Variants in PRKN observed in about 807,000 individuals in gnomAD.
PRKN encodes parkin RBR E3 ubiquitin protein ligase.
A neutral mutation model predicts 59.5 loss-of-function variants in PRKN; 56 were observed. The ratio of observed to expected loss-of-function variants is 0.94; its 90% CI spans 0.76 to 1.18. PRKN has a LOEUF of 1.18. Among genes scored for constraint, PRKN ranks in the 50% most tolerant of loss-of-function variants. PRKN has a pLI of 0.00. For missense variants in PRKN, 657 were observed against 596.4 expected, an observed-to-expected ratio of 1.10 and a Z score of -1.06; for synonymous variants, 250 against 222.1, an observed-to-expected ratio of 1.13 and a Z score of -1.12.
At chr6:161,929,600 T>C (rs912350036) in intron 6 of PRKN, among the ~76,000 whole-genome samples, 3 of 144,984 alleles carry the variant, frequency 2.1e-5, no homozygotes, top group African/African-American at 7.7e-5. Context: ...CTCAGCTTAC[T>C]GCAACCTCTG....
chr6:162,397,819 T>C (rs1343597809), intron 2 of PRKN, among the ~76,000 whole-genome samples: 3 of 152,030 alleles, frequency 2.0e-5, no homozygotes, highest in Non-Finnish European at 4.4e-5. Context: ...GGTGGATCAC[T>C]TGAGGTCAGG....
At position 161,395,122 on chromosome 6, in the gene PRKN, A is replaced by T. The variant is rs988475063; in HGVS notation, c.1084-8245T>A. Among the ~76,000 whole-genome samples the T allele has an allele frequency of 1.1e-4, 17 of 152,184 alleles. No homozygotes were observed. Among genetic ancestry groups the T allele is most frequent in the Non-Finnish European group, 1.5e-4 (10 of 68,040 alleles). ...TGGTCAGCTACATAGCTTCCCAGAG[A>T]CAATCACTGTCACCTGTTTGTATAG... On this transcript the variant is annotated intron_variant, in intron 9 of 11. Coordinates refer to ENST00000366898, the MANE Select transcript of PRKN (RefSeq NM_004562.3). The surrounding 1 kb of genome is among the most constrained non-coding windows in gnomAD (Gnocchi z 5.0).
intron 1 of PRKN, among the ~76,000 whole-genome samples, chr6:162,717,575 A>C (rs1335803695): frequency 6.6e-6 from 1 of 151,796 alleles, no homozygotes; most frequent in East Asian, 1.9e-4. Context: ...CAAAAAAAAA[A>C]AAAAAAAAAA....
At chr6:162,168,685 G>T (rs904458676) in intron 4 of PRKN, among the ~76,000 whole-genome samples, 1 of 151,120 alleles carries the variant, frequency 6.6e-6, no homozygotes, top group African/African-American at 2.4e-5. Flanking sequence ...ACTAACCTCA[G>T]CATCTCCCGA....
intron 1 of PRKN, among the ~76,000 whole-genome samples, chr6:162,499,923 G>C (rs1485615067): frequency 2.0e-5 from 3 of 152,084 alleles, no homozygotes; most frequent in Admixed American, 1.3e-4. Flanking sequence ...AAAAAAGGTT[G>C]CCTTGACAAT....
chr6:162,261,686 C>A (rs1442540806), intron 3 of PRKN, among the ~76,000 whole-genome samples: 1 of 152,154 alleles, frequency 6.6e-6, no homozygotes, highest in African/African-American at 2.4e-5. Flanking sequence ...ATCTCAAGAT[C>A]ACCAGAGCAT....
At chr6:161,693,833 A>T (rs1785906048) in intron 7 of PRKN, among the ~76,000 whole-genome samples, 1 of 152,228 alleles carries the variant, frequency 6.6e-6, no homozygotes, top group Non-Finnish European at 1.5e-5. Context: ...GATAAATATT[A>T]GTCTAATGTG....
chr6:162,514,929 T>G (rs528471418), intron 1 of PRKN, among the ~76,000 whole-genome samples: 31 of 150,110 alleles, frequency 2.1e-4, no homozygotes, highest in African/African-American at 7.1e-4. Context: ...AATATTATAT[T>G]GCAGACATTA....
chr6:162,710,456 T>C (rs1423659945), intron 1 of PRKN, among the ~76,000 whole-genome samples: 1 of 150,152 alleles, frequency 6.7e-6, no homozygotes, highest in Non-Finnish European at 1.5e-5. Flanking sequence ...TCAACTGTTA[T>C]GAGTCCAAGT....
At chr6:162,705,021 T>C (rs573716797) in intron 1 of PRKN, among the ~76,000 whole-genome samples, 1 of 152,210 alleles carries the variant, frequency 6.6e-6, no homozygotes, top group Non-Finnish European at 1.5e-5. Flanking sequence ...TCGTAGGTAA[T>C]GTTCCTTTGC....
At position 162,230,094 on chromosome 6, in the gene PRKN, T is replaced by C. The variant is rs560003939; in HGVS notation, c.413-28842A>G. On this transcript the variant is annotated intron_variant, in intron 3 of 11. Transcript: ENST00000366898. The stretch of plus-strand genomic sequence containing the variant: ...CCAGACAATTCTTATATTCTATTAT[T>C]GTAAAGGTAAACTGAAGTGCAAATA... Among the ~76,000 whole-genome samples the C allele has an allele frequency of 2.6e-5, 4 of 152,356 alleles. No homozygotes were observed. In the South Asian group the frequency reaches 6.2e-4, roughly 24 times the overall value.
chr6:162,143,754 T>C (rs1367416571), intron 4 of PRKN, among the ~76,000 whole-genome samples: 1 of 152,172 alleles, frequency 6.6e-6, no homozygotes, highest in South Asian at 2.1e-4. Context: ...TCTGTCTGCA[T>C]GGGTTTCTTA....
At position 162,128,450 on chromosome 6, in the gene PRKN, T is replaced by C. The variant is rs80160253; in HGVS notation, c.534+72681A>G. Reference sequence around the variant, plus strand: ...GAAGAACAACATCTAGATCATAGTATGTGGCAAAAAGTGAGAGAGATGGGA... The same window carrying C: ...GAAGAACAACATCTAGATCATAGTACGTGGCAAAAAGTGAGAGAGATGGGA... On this transcript the variant is annotated intron_variant, in intron 4 of 11. Transcript: ENST00000366898. 2.1e-3 allele frequency among the ~76,000 whole-genome samples: 315 copies of C among 152,216 alleles called. 2 individuals carry two copies. The highest frequency in any genetic ancestry group is 0.014 in the Admixed American group (207 of 15,276).
intron 9 of PRKN, among the ~76,000 whole-genome samples, chr6:161,495,351 TGATGTGTATCTTCTCCTCCC>T (rs1371753391): frequency 2.6e-5 from 4 of 152,324 alleles, no homozygotes; most frequent in African/African-American, 4.8e-5. Flanking sequence ...GTTGTCCTCC[TGATGTGTATCTTCTCCTCCC>T]GATGTGTATC....
In PRKN at chr6:161,456,506, A is replaced by G. The variant is rs1328457695; in HGVS notation, c.1084-69629T>C. Among the ~76,000 whole-genome samples, 1 of 152,162 alleles carries G rather than the reference A, an allele frequency of 6.6e-6. No homozygotes were observed. Among genetic ancestry groups the G allele is most frequent in the East Asian group, 1.9e-4 (1 of 5,176 alleles). On this transcript the variant is annotated intron_variant, in intron 9 of 11. Coordinates refer to ENST00000366898, the MANE Select transcript of PRKN (RefSeq NM_004562.3). The surrounding 1 kb of genome is among the most constrained non-coding windows in gnomAD (Gnocchi z 4.8). ...CTTCCTTGCTCCTCAGCTTGCAGACAGTCTATTGTGGGACTTCTCCTTGTG... is the reference window on the plus strand; with the variant it reads ...CTTCCTTGCTCCTCAGCTTGCAGACGGTCTATTGTGGGACTTCTCCTTGTG...
rs1044550424 is a variant in PRKN, at chr6:161,897,841, C to T, written c.734+75461G>A. Among the ~76,000 whole-genome samples, 4 of 150,508 alleles carry T rather than the reference C, an allele frequency of 2.7e-5. No homozygotes were observed. The South Asian group carries it at 8.5e-4, about 32-fold the overall frequency. ...AAAGTTCCGGGCGTAGTGGCGGGCG[C>T]CTGTAGTCCCAGCTACTCGGGAGGC... is the stretch of plus-strand genomic sequence containing the variant. On this transcript the variant is annotated intron_variant, in intron 6 of 11. Coordinates refer to ENST00000366898, the MANE Select transcript of PRKN (RefSeq NM_004562.3).
intron 1 of PRKN, among the ~76,000 whole-genome samples, chr6:162,508,227 C>T (rs1254399646): frequency 2.6e-5 from 4 of 152,118 alleles, no homozygotes; most frequent in African/African-American, 4.8e-5. Flanking sequence ...ACTGTGAGAA[C>T]AGTATGGGGG....
At chr6:161,792,510 A>G (rs1790678598) in intron 6 of PRKN, among the ~76,000 whole-genome samples, 1 of 152,242 alleles carries the variant, frequency 6.6e-6, no homozygotes, top group South Asian at 2.1e-4. Context: ...TTACATATGT[A>G]TGAAGAGCAG....
chr6:161,752,788 C>T (rs984791986), intron 7 of PRKN, among the ~76,000 whole-genome samples: 6 of 152,142 alleles, frequency 3.9e-5, no homozygotes, highest in East Asian at 1.9e-4. Context: ...TAGACTTTTA[C>T]GCAAGTTCAG....
Sources: allele counts gnomAD v4.1 joint callset (sites outside exome capture counted in the v4.1 genomes callset), GRCh38; gene constraint gnomAD v4.1.1; non-coding constraint Gnocchi (gnomAD v3.1); transcripts MANE v1.5; gene names NCBI Gene and HGNC (gene_info 2026-07-23, HGNC 2026-07-21).